ALDH1A1: variants seen among roughly 807,000 people sequenced by gnomAD.
ALDH1A1 encodes aldehyde dehydrogenase 1 family member A1, also known as aldehyde dehydrogenase 1A1.
ALDH1A1 carries 19 observed loss-of-function variants against 62.1 expected under a neutral mutation model. That is an observed-to-expected ratio of 0.31 (90% CI 0.21 to 0.45). The LOEUF is 0.45. ALDH1A1 is among the 20% of genes least tolerant of loss of function. The pLI is 1.00. For missense variants in ALDH1A1, 521 were observed against 607.1 expected (o/e 0.86, Z 1.49); for synonymous variants, 231 against 215.9 (o/e 1.07, Z -0.61).
Position 72,925,565 on chromosome 9 carries a change from C to T in ALDH1A1, c.552G>A (p.Leu184=), listed in dbSNP as rs1441596983. ...VMLIWKIGPA[L]SCGNTVVVKP... ...TGACAACCACTGTGTTTCCACAGCT[C>T]AGTGCAGGCCCTATCTTCCAAATGA... The change falls in exon 6 of 13, where the codon CTG becomes CTA. Residue 184 remains leucine (L), a synonymous_variant. Transcript: ENST00000297785. 1 of 1,613,876 alleles carries T rather than the reference C, an allele frequency of 6.2e-7. No individual in the cohort carries two copies. Among genetic ancestry groups the T allele is most frequent in the Non-Finnish European group, 8.5e-7 (1 of 1,179,840 alleles).
intron 11 of ALDH1A1, among the ~76,000 whole-genome samples, chr9:72,908,563 GAAA>G (rs1829923435): frequency 5.3e-5 from 1 of 18,938 alleles, no homozygotes; most frequent in Admixed American, 6.7e-4. Flanking sequence ...AAGAAAGAAA[GAAA>G]GAAAGAAAGA....
intron 2 of ALDH1A1, among the ~76,000 whole-genome samples, chr9:72,935,983 A>G (rs2118557473): frequency 6.6e-6 from 1 of 152,344 alleles, no homozygotes; most frequent in East Asian, 1.9e-4. Flanking sequence ...TTCAAAAAAG[A>G]ATGTGATGAT....
chr9:72,941,745 G>C (rs1005202257), intron 1 of ALDH1A1, among the ~76,000 whole-genome samples: 4 of 152,126 alleles, frequency 2.6e-5, no homozygotes, highest in Non-Finnish European at 5.9e-5. Context: ...TACAAAATGG[G>C]GAAGAGGATA....
intron 8 of ALDH1A1, among the ~76,000 whole-genome samples, chr9:72,917,405 A>G (rs1349951052): frequency 6.6e-6 from 1 of 152,108 alleles, no homozygotes; most frequent in Non-Finnish European, 1.5e-5. Context: ...AATGATTTAT[A>G]TAAATATCTC....
chr9:72,918,856 C>G, intron 7 of ALDH1A1, 34 bp from the exon 8 acceptor site: 1 of 1,503,072 alleles, frequency 6.7e-7, no homozygotes, highest in South Asian at 1.1e-5. Context: ...GGAGGCTTAC[C>G]CTGCTCTCAT....
At chr9:72,945,930 G>T (rs1164839795) in intron 1 of ALDH1A1, among the ~76,000 whole-genome samples, 1 of 151,948 alleles carries the variant, frequency 6.6e-6, no homozygotes, top group Non-Finnish European at 1.5e-5. Flanking sequence ...CCTTTCATTT[G>T]TTTTAAATGA....
chr9:72,926,915 C>A, intron 5 of ALDH1A1: 1 of 469,836 alleles, frequency 2.1e-6, no homozygotes. Context: ...AAGAGATATG[C>A]CAGAATATAG....
At position 72,928,919 on chromosome 9, in the gene ALDH1A1, T is replaced by C. The variant is rs1355673438; in HGVS notation, c.415A>G (p.Lys139Glu). Reference protein sequence around the residue: ...TLRYCAGWADKIQGRTIPIDG... With the variant: ...TLRYCAGWADEIQGRTIPIDG... Reference sequence around the variant, plus strand: ...ATTGGTATTGTACGGCCCTGGATCTTGTCAGCCCAACCTGCACAGTAGCGC... The same window carrying C: ...ATTGGTATTGTACGGCCCTGGATCTCGTCAGCCCAACCTGCACAGTAGCGC... Residue 139 changes from lysine (K) to glutamate (E), a missense_variant, in exon 4 of 13, where the codon AAG (lysine) becomes GAG (glutamate). By Grantham distance (56) the Lys-to-Glu change is moderately conservative. Coordinates refer to ENST00000297785, the MANE Select transcript of ALDH1A1 (RefSeq NM_000689.5). The C allele has an allele frequency of 1.2e-6, 2 of 1,613,828 alleles. No individual in the cohort carries two copies. Among genetic ancestry groups the C allele is most frequent in the Non-Finnish European group, 8.5e-7 (1 of 1,179,888 alleles).
chr9:72,949,910 C>T (rs8187877), intron 1 of ALDH1A1, among the ~76,000 whole-genome samples: 3,096 of 151,166 alleles, frequency 0.02, 44 homozygotes, highest in African/African-American at 0.041. Context: ...ACAAAGTTAC[C>T]GAATCCTGTA....
intron 7 of ALDH1A1, among the ~76,000 whole-genome samples, chr9:72,923,109 A>G (rs1025814484): frequency 2.6e-5 from 4 of 152,206 alleles, no homozygotes; most frequent in Non-Finnish European, 4.4e-5. Context: ...TTAAAAAAGT[A>G]ACAATTCCTC....
intron 7 of ALDH1A1, among the ~76,000 whole-genome samples, chr9:72,920,440 T>C (rs1830126048): frequency 6.6e-6 from 1 of 152,198 alleles, no homozygotes; most frequent in African/African-American, 2.4e-5. Context: ...AAAAATTTAC[T>C]TACCTGTCAC....
chr9:72,952,852 T>G (rs1225227820), intron 1 of ALDH1A1, 83 bp downstream of exon 1: 1 of 1,497,024 alleles, frequency 6.7e-7, no homozygotes, highest in African/African-American at 1.4e-5. Flanking sequence ...TTACACAAGT[T>G]TACTTAAATT....
intron 3 of ALDH1A1, among the ~76,000 whole-genome samples, chr9:72,930,154 A>T (rs348461): frequency 0.36 from 54,178 of 152,068 alleles, 9,807 homozygotes; most frequent in East Asian, 0.53. Flanking sequence ...TGTTTATGTT[A>T]AATTGGCTTC....
chr9:72,951,237 G>A (rs935420509), intron 1 of ALDH1A1, among the ~76,000 whole-genome samples: 4 of 151,838 alleles, frequency 2.6e-5, no homozygotes, highest in Non-Finnish European at 4.4e-5. Flanking sequence ...AAGTGAATAG[G>A]TTTCAATCTC....
rs191113103 is a variant in ALDH1A1 at position 72,902,236 on chromosome 9, A to G, written c.1434-956T>C. Reference sequence around the variant, plus strand: ...TTACCCCTTGTTGAAGAGATGACTAAAAAGATTGGGCTCAGTTATTCTCTA... The same window carrying G: ...TTACCCCTTGTTGAAGAGATGACTAGAAAGATTGGGCTCAGTTATTCTCTA... On this transcript the variant is annotated intron_variant, in intron 12 of 12. Coordinates refer to ENST00000297785, the MANE Select transcript of ALDH1A1 (RefSeq NM_000689.5). Among the ~76,000 whole-genome samples the G allele has an allele frequency of 2.0e-3, 306 of 152,136 alleles. 2 individuals are homozygous for G. Among genetic ancestry groups the G allele is most frequent in the African/African-American group, 6.8e-3 (282 of 41,546 alleles).
At chr9:72,919,527 A>C (rs1830110418) in intron 7 of ALDH1A1, among the ~76,000 whole-genome samples, 1 of 152,224 alleles carries the variant, frequency 6.6e-6, no homozygotes, top group South Asian at 2.1e-4. Context: ...AGTCTCCCAA[A>C]AAACCTCATG....
intron 6 of ALDH1A1, among the ~76,000 whole-genome samples, chr9:72,924,486 T>A (rs1830180858): frequency 6.6e-6 from 1 of 152,240 alleles, no homozygotes. Context: ...ATGTTTATTA[T>A]TCCCATCAGC....
intron 7 of ALDH1A1, among the ~76,000 whole-genome samples, chr9:72,921,375 G>T (rs1029952346): frequency 6.6e-6 from 1 of 151,844 alleles, no homozygotes; most frequent in African/African-American, 2.4e-5. Flanking sequence ...CTTAATATCT[G>T]CCAAGCAACA....
intron 2 of ALDH1A1, among the ~76,000 whole-genome samples, chr9:72,938,595 C>A (rs776977469): frequency 2.6e-5 from 4 of 152,022 alleles, no homozygotes; most frequent in Non-Finnish European, 4.4e-5. Flanking sequence ...TACAGGCATG[C>A]GCCACCATGC....
Sources: gnomAD v4.1 joint callset for allele counts (sites outside exome capture counted in the v4.1 genomes callset) on GRCh38, gnomAD v4.1.1 for gene constraint, MANE v1.5 for transcripts, NCBI Gene and HGNC (gene_info 2026-07-23, HGNC 2026-07-21) for gene names.